USP53: variants seen among roughly 807,000 people sequenced by gnomAD.
USP53 encodes the protein ubiquitin carboxyl-terminal hydrolase 53.
A neutral mutation model predicts 94.9 loss-of-function variants in USP53; 71 were observed. The observed-to-expected ratio is 0.75, with a 90% confidence interval of 0.62 to 0.91. USP53 has a LOEUF of 0.91. USP53 is among the 40% of genes least tolerant of loss of function. The pLI is 0.00. For synonymous variants in USP53, 375 were observed against 422.7 expected, an observed-to-expected ratio of 0.89 and a Z score of 1.39; for missense variants, 1,173 against 1,281.0, an observed-to-expected ratio of 0.92 and a Z score of 1.29.
intron 14 of USP53, 76 bp from the exon 15 acceptor site, chr4:119,269,615 A>G (rs935951227): frequency 1.2e-5 from 12 of 1,016,212 alleles, no homozygotes; most frequent in Non-Finnish European, 1.6e-5. Context: ...TAACATTTTT[A>G]TATAGATCAA....
At chr4:119,282,375 G>A (rs1753605865) in intron 17 of USP53, among the ~76,000 whole-genome samples, 1 of 151,902 alleles carries the variant, frequency 6.6e-6, no homozygotes, top group South Asian at 2.1e-4. Flanking sequence ...TATGTTTAAT[G>A]TTTTCAAGAA....
Position 119,293,286 on chromosome 4 carries a change from A to C in USP53, c.*75A>C, listed in dbSNP as rs907113049. The C allele has an allele frequency of 7.5e-6, 11 of 1,473,032 alleles. No individual in the cohort carries two copies. The highest frequency in any genetic ancestry group is 9.0e-6 in the Non-Finnish European group (10 of 1,111,976). The allele number at this position is 1,473,032 out of a possible 1,614,324, so 91.2% of individuals were successfully genotyped here. A position where few individuals can be genotyped will look rare whatever the true frequency, so the allele number is the denominator to read the frequency against. ...CCCTTCTGAACAAAGATATAAACCTAGCATACATTGTAATAGATAACTGGT... is the reference window on the plus strand; with the variant it reads ...CCCTTCTGAACAAAGATATAAACCTCGCATACATTGTAATAGATAACTGGT... On this transcript the variant is annotated 3_prime_UTR_variant, in exon 19 of 19. Coordinates refer to ENST00000692078, the MANE Select transcript of USP53 (RefSeq NM_001371395.1).
In USP53 at chr4:119,283,965, T is replaced by A. The variant is rs372806111; in HGVS notation, c.2252-7200T>A. 3.9e-5 allele frequency among the ~76,000 whole-genome samples: 6 copies of A among 151,944 alleles called. No homozygotes were observed. In the East Asian group the frequency reaches 1.2e-3, roughly 29 times the overall value. On this transcript the variant is annotated intron_variant, in intron 17 of 18. Coordinates refer to ENST00000692078, the MANE Select transcript of USP53 (RefSeq NM_001371395.1). ...CAAGAAATAGACAAAGTAAGGAACA[T>A]TGGCTTTGCTGAGGAAGAGAAGTGA...
At chr4:119,273,315 C>CAA (rs11366529) in intron 16 of USP53, 20 of 141,556 alleles carry the variant, frequency 1.4e-4, no homozygotes, top group South Asian at 4.3e-4. Context: ...GGTCCTGGCT[C>CAA]AAAAAAAAAA....
intron 3 of USP53, among the ~76,000 whole-genome samples, chr4:119,231,949 A>G (rs964584134): frequency 5.3e-5 from 8 of 152,018 alleles, no homozygotes; most frequent in Non-Finnish European, 1.0e-4. Context: ...GGTGTTCAGG[A>G]TAAACATTTT....
intron 17 of USP53, among the ~76,000 whole-genome samples, chr4:119,281,689 A>C (rs1753524340): frequency 6.6e-6 from 1 of 152,204 alleles, no homozygotes; most frequent in Non-Finnish European, 1.5e-5. Flanking sequence ...TGATAGTTAT[A>C]AAAACACAAG....
intron 9 of USP53, among the ~76,000 whole-genome samples, chr4:119,258,265 T>C (rs1302063827): frequency 1.3e-5 from 2 of 152,218 alleles, no homozygotes; most frequent in East Asian, 3.8e-4. Context: ...AAGCAGTATA[T>C]GCAATTTGAA....
At chr4:119,279,219 C>T (rs1753097830) in intron 17 of USP53, among the ~76,000 whole-genome samples, 1 of 125,862 alleles carries the variant, frequency 7.9e-6, no homozygotes, top group Non-Finnish European at 1.7e-5. Context: ...GTTTTTTCCC[C>T]ATCTTTGTGG....
At chr4:119,241,571 G>GC (rs1301449335) in intron 5 of USP53, among the ~76,000 whole-genome samples, 1 of 151,962 alleles carries the variant, frequency 6.6e-6, no homozygotes, top group Non-Finnish European at 1.5e-5. Context: ...TTATTCTAAT[G>GC]AAAAATCTAA....
chr4:119,287,645 A>G lies in USP53; in HGVS notation c.2252-3520A>G, dbSNP rs1754262955. Among the ~76,000 whole-genome samples the G allele has an allele frequency of 1.3e-5, 2 of 152,220 alleles. 1 individual carries two copies. Among genetic ancestry groups the G allele is most frequent in the Non-Finnish European group, 2.9e-5 (2 of 68,020 alleles). On this transcript the variant is annotated intron_variant, in intron 17 of 18. Coordinates refer to ENST00000692078, the MANE Select transcript of USP53 (RefSeq NM_001371395.1). ...AACATGATGAAAATGTCAACTAAAA[A>G]TACGGGAGAATGCAGAAAAACTTAC...
chr4:119,282,940 T>G (rs1203780483), intron 17 of USP53, among the ~76,000 whole-genome samples: 1 of 152,062 alleles, frequency 6.6e-6, no homozygotes, highest in African/African-American at 2.4e-5. Flanking sequence ...TCATATTTTC[T>G]TGACATTTTG....
chr4:119,262,262 A>G (rs1750604216), intron 12 of USP53, among the ~76,000 whole-genome samples: 1 of 152,028 alleles, frequency 6.6e-6, no homozygotes, highest in South Asian at 2.1e-4. Context: ...TATTATGACA[A>G]TTTTTTTCAA....
chr4:119,213,670 G>GTGTGTGTA (rs1553962030), intron 1 of USP53, among the ~76,000 whole-genome samples: 1 of 120,502 alleles, frequency 8.3e-6, no homozygotes, highest in South Asian at 2.7e-4. Flanking sequence ...ATGTGTGTGT[G>GTGTGTGTA]TGTATGTATG....
chr4:119,259,301 G>A (rs974287396), intron 9 of USP53, among the ~76,000 whole-genome samples: 60 of 151,522 alleles, frequency 4.0e-4, no homozygotes, highest in African/African-American at 1.4e-3. Context: ...AAAAAGGGGG[G>A]GGAGTAATAT....
At chr4:119,281,744 T>C (rs1353131873) in intron 17 of USP53, among the ~76,000 whole-genome samples, 3 of 152,182 alleles carry the variant, frequency 2.0e-5, no homozygotes. Context: ...TGTAAGAACT[T>C]TGCAGGAGGT....
intron 2 of USP53, among the ~76,000 whole-genome samples, chr4:119,216,113 C>T (rs1743709910): frequency 6.6e-6 from 1 of 152,172 alleles, no homozygotes; most frequent in Non-Finnish European, 1.5e-5. Flanking sequence ...GGTGCTGTGG[C>T]TCACGCCTGT....
chr4:119,288,938 CAA>C (rs35580805), intron 17 of USP53, among the ~76,000 whole-genome samples: 29,334 of 107,184 alleles, frequency 0.27, 3,033 homozygotes, highest in East Asian at 0.38. Flanking sequence ...AACTCTGTCT[CAA>C]AAAAAAAAAA....
At position 119,293,962 on chromosome 4, in the gene USP53, G is replaced by A. The variant is rs1755042668; in HGVS notation, c.*751G>A. 1 of 152,074 alleles carries A rather than the reference G, an allele frequency of 6.6e-6. No homozygotes were observed. The allele number at this position is 152,074 out of a possible 1,614,324, so 9.4% of individuals were successfully genotyped here. Reference sequence around the variant, plus strand: ...TTTTGTCTTCAGAATATCTAGTTAAGATAAATTAGGCCTTTGACTATTATA... The same window carrying A: ...TTTTGTCTTCAGAATATCTAGTTAAAATAAATTAGGCCTTTGACTATTATA... On this transcript the variant is annotated 3_prime_UTR_variant, in exon 19 of 19. Coordinates refer to ENST00000692078, the MANE Select transcript of USP53 (RefSeq NM_001371395.1).
At chr4:119,291,359 T>C (rs11731675) in intron 18 of USP53, 98 bp downstream of exon 18, 298,070 of 699,002 alleles carry the variant, frequency 0.43, 64,872 homozygotes, top group Non-Finnish European at 0.46. Flanking sequence ...AATGGGTCTA[T>C]AGTATTGAGA....
Sources: gnomAD v4.1 joint callset for allele counts (sites outside exome capture counted in the v4.1 genomes callset) on GRCh38, gnomAD v4.1.1 for gene constraint, MANE v1.5 for transcripts, NCBI Gene and HGNC (gene_info 2026-07-23, HGNC 2026-07-21) for gene names.